Variants in RCAN2 observed in about 807,000 individuals in gnomAD.
RCAN2 encodes the protein regulator of calcineurin 2.
In RCAN2, 9 loss-of-function variants were observed where a neutral mutation model predicts 23.6. That is an observed-to-expected ratio of 0.38 (90% CI 0.23 to 0.67). RCAN2 has a LOEUF of 0.67. Ranked by LOEUF, RCAN2 falls within the 30% of genes least tolerant of loss-of-function variation. RCAN2 has a pLI of 0.51. For synonymous variants in RCAN2, 109 were observed against 115.7 expected, an observed-to-expected ratio of 0.94 and a Z score of 0.37; for missense variants, 273 against 302.3, an observed-to-expected ratio of 0.90 and a Z score of 0.72.
At chr6:46,432,654 C>T (rs1408177289) in intron 2 of RCAN2, among the ~76,000 whole-genome samples, 1 of 152,140 alleles carries the variant, frequency 6.6e-6, no homozygotes, top group African/African-American at 2.4e-5. Flanking sequence ...CCAACGTGTT[C>T]ACTGACTGTC....
chr6:46,375,612 A>G (rs1765436628), intron 2 of RCAN2, among the ~76,000 whole-genome samples: 1 of 152,222 alleles, frequency 6.6e-6, no homozygotes. Context: ...CAGGAAAACA[A>G]TCCTCCATAT....
At chr6:46,269,449 T>C (rs1767449893) in intron 2 of RCAN2, among the ~76,000 whole-genome samples, 1 of 152,250 alleles carries the variant, frequency 6.6e-6, no homozygotes, top group Admixed American at 6.5e-5. Context: ...GAATATTAAA[T>C]AGATCTCTTT....
At position 46,273,191 on chromosome 6, in the gene RCAN2, C is replaced by A. The variant is rs142273345; in HGVS notation, c.226-24295G>T. Among the ~76,000 whole-genome samples the A allele has an allele frequency of 2.3e-3, 350 of 152,228 alleles. 1 individual carries two copies. The highest frequency in any genetic ancestry group is 8.1e-3 in the African/African-American group (337 of 41,570). ...CACACTATTTTCTCTAGTGCCCTTC[C>A]TGATGGACCAACATGGTTCTTTTTG... On this transcript the variant is annotated intron_variant, in intron 2 of 4. Coordinates refer to ENST00000371374, the MANE Select transcript of RCAN2 (RefSeq NM_001251974.2).
intron 2 of RCAN2, among the ~76,000 whole-genome samples, chr6:46,399,457 A>C (rs1485455477): frequency 6.6e-6 from 1 of 150,546 alleles, no homozygotes; most frequent in African/African-American, 2.4e-5. Context: ...GGGGAACTGC[A>C]GGCAAGGTGT....
rs1368724957 is a variant in RCAN2, at chr6:46,388,209, A to C, written c.225+68543T>G. Among the ~76,000 whole-genome samples the C allele has an allele frequency of 2.0e-5, 3 of 152,128 alleles. No homozygotes were observed. The East Asian group carries it at 5.8e-4, about 29-fold the overall frequency. On this transcript the variant is annotated intron_variant, in intron 2 of 4. Coordinates refer to ENST00000371374, the MANE Select transcript of RCAN2 (RefSeq NM_001251974.2). ...ATGGCACATGTATACATATGTAACA[A>C]ACCTGCACGTTGTGCACATGTACCC...
intron 2 of RCAN2, among the ~76,000 whole-genome samples, chr6:46,313,334 G>A (rs1174750162): frequency 6.6e-6 from 1 of 152,194 alleles, no homozygotes; most frequent in African/African-American, 2.4e-5. Context: ...ACTGAGGGCA[G>A]GAGGCATGCC....
At chr6:46,392,629 C>G (rs1254808483) in intron 2 of RCAN2, among the ~76,000 whole-genome samples, 1 of 152,138 alleles carries the variant, frequency 6.6e-6, no homozygotes, top group Admixed American at 6.5e-5. Flanking sequence ...TTTATCCTCA[C>G]ATATTTGCAT....
chr6:46,284,261 T>C (rs771108376), intron 2 of RCAN2, among the ~76,000 whole-genome samples: 2 of 152,054 alleles, frequency 1.3e-5, no homozygotes, highest in South Asian at 2.1e-4. Context: ...GGCTCTTAGG[T>C]TGGAGTAAGG....
At chr6:46,485,459 C>A (rs1768970119) in intron 1 of RCAN2, among the ~76,000 whole-genome samples, 2 of 152,150 alleles carry the variant, frequency 1.3e-5, no homozygotes, top group African/African-American at 2.4e-5. Context: ...TTAATTCTCT[C>A]TTTTTATACT....
At chr6:46,384,171 A>G (rs1283211503) in intron 2 of RCAN2, among the ~76,000 whole-genome samples, 2 of 152,098 alleles carry the variant, frequency 1.3e-5, no homozygotes, top group African/African-American at 2.4e-5. Flanking sequence ...CTCCTTTAGT[A>G]TTAGGGGTAT....
chr6:46,428,363 A>C (rs1169913468), intron 2 of RCAN2, among the ~76,000 whole-genome samples: 1 of 152,224 alleles, frequency 6.6e-6, no homozygotes, highest in African/African-American at 2.4e-5. Flanking sequence ...ATTCCCACTG[A>C]AAATCACATT....
intron 2 of RCAN2, among the ~76,000 whole-genome samples, chr6:46,272,282 C>G (rs1245038762): frequency 1.1e-4 from 17 of 152,208 alleles, no homozygotes; most frequent in Admixed American, 1.1e-3. Context: ...ATGGGTTACA[C>G]CCTTTACAAG....
chr6:46,283,216 AG>A (rs1233272306), intron 2 of RCAN2, among the ~76,000 whole-genome samples: 1 of 152,154 alleles, frequency 6.6e-6, no homozygotes, highest in Non-Finnish European at 1.5e-5. Context: ...TGGGAAGCTG[AG>A]GTAGGAGGAT....
intron 1 of RCAN2, among the ~76,000 whole-genome samples, chr6:46,463,402 A>G (rs1169543750): frequency 1.3e-5 from 2 of 152,222 alleles, no homozygotes; most frequent in Non-Finnish European, 2.9e-5. Flanking sequence ...TTTGGGTTAG[A>G]ATAGCATGTC....
intron 2 of RCAN2, among the ~76,000 whole-genome samples, chr6:46,297,441 C>T (rs1048077449): frequency 1.3e-5 from 2 of 152,064 alleles, no homozygotes; most frequent in Admixed American, 6.6e-5. Flanking sequence ...GAAGTGCTAA[C>T]CCACCTGAAT....
intron 2 of RCAN2, among the ~76,000 whole-genome samples, chr6:46,318,781 C>T (rs553100668): frequency 2.6e-5 from 4 of 151,908 alleles, no homozygotes; most frequent in East Asian, 1.9e-4. Flanking sequence ...GTATAATATC[C>T]GTATATACAT....
intron 2 of RCAN2, among the ~76,000 whole-genome samples, chr6:46,287,387 G>A (rs1053989788): frequency 6.6e-6 from 1 of 152,202 alleles, no homozygotes; most frequent in Non-Finnish European, 1.5e-5. Flanking sequence ...ACTTTGTGAA[G>A]GAAGATGGAT....
chr6:46,380,399 A>C (rs1765589782), intron 2 of RCAN2, among the ~76,000 whole-genome samples: 1 of 152,214 alleles, frequency 6.6e-6, no homozygotes, highest in African/African-American at 2.4e-5. Context: ...TAGTGCAGAT[A>C]AGGGATTGAT....
At chr6:46,279,689 G>A (rs1029855829) in intron 2 of RCAN2, among the ~76,000 whole-genome samples, 1 of 152,172 alleles carries the variant, frequency 6.6e-6, no homozygotes, top group South Asian at 2.1e-4. Flanking sequence ...ACATTGGCTT[G>A]GTTATCAGAC....
Sources: allele counts gnomAD v4.1 joint callset (sites outside exome capture counted in the v4.1 genomes callset), GRCh38; gene constraint gnomAD v4.1.1; transcripts MANE v1.5; gene names NCBI Gene and HGNC (gene_info 2026-07-23, HGNC 2026-07-21).